RHOQ: variants seen among roughly 807,000 people sequenced by gnomAD.
The protein encoded by RHOQ is rho-related GTP-binding protein RhoQ.
RHOQ carries 7 observed loss-of-function variants against 25.8 expected under a neutral mutation model. The ratio of observed to expected loss-of-function variants is 0.27; its 90% CI spans 0.15 to 0.51. RHOQ has a LOEUF of 0.51. RHOQ is among the 20% of genes least tolerant of loss of function. The pLI, the probability that RHOQ is intolerant of heterozygous loss-of-function variation, is 0.97. For missense variants in RHOQ, 165 were observed against 260.6 expected, an observed-to-expected ratio of 0.63 and a Z score of 2.53; for synonymous variants, 97 against 98.6, an observed-to-expected ratio of 0.98 and a Z score of 0.10.
chr2:46,544,533 C>T (rs995622329), intron 2 of RHOQ, among the ~76,000 whole-genome samples: 1 of 152,210 alleles, frequency 6.6e-6, no homozygotes, highest in African/African-American at 2.4e-5. Context: ...ACACTTTGCC[C>T]TGCAGCCTCT....
chr2:46,543,692 A>T, intron 1 of RHOQ, 62 bp from the exon 2 acceptor site: 1 of 1,514,212 alleles, frequency 6.6e-7, no homozygotes, highest in Non-Finnish European at 9.1e-7. Context: ...TGGGGAGCGA[A>T]ATTGCCCCAG....
At chr2:46,575,518 G>GT (rs1198670082) in intron 2 of RHOQ, among the ~76,000 whole-genome samples, 3 of 151,994 alleles carry the variant, frequency 2.0e-5, no homozygotes, top group East Asian at 3.9e-4. Context: ...TAAGAGTATA[G>GT]ACTCTGGAGT....
chr2:46,556,646 A>C lies in RHOQ; in HGVS notation c.201+12834A>C, dbSNP rs60153691. On this transcript the variant is annotated intron_variant, in intron 2 of 4. Transcript: ENST00000238738. This position sits in a 1 kb window ranked among gnomAD's most constrained non-coding sequence, Gnocchi z 4.9. ...CATTAAACATAAGAGTGAGGTGAGG[A>C]ACACAAAATTCCATCCGATCGGGTT... Among the ~76,000 whole-genome samples the C allele has an allele frequency of 0.024, 3,714 of 152,212 alleles. 157 individuals carry two copies. The highest frequency in any genetic ancestry group is 0.086 in the African/African-American group (3,568 of 41,482).
intron 2 of RHOQ, among the ~76,000 whole-genome samples, chr2:46,550,050 G>A (rs1668193042): frequency 6.6e-6 from 1 of 151,876 alleles, no homozygotes; most frequent in South Asian, 2.1e-4. Flanking sequence ...AACACAACAA[G>A]ACCCCCAATT....
At chr2:46,570,177 A>G (rs1668866334) in intron 2 of RHOQ, among the ~76,000 whole-genome samples, 1 of 152,242 alleles carries the variant, frequency 6.6e-6, no homozygotes, top group South Asian at 2.1e-4. Flanking sequence ...GTGGTGGCTC[A>G]TGCCTGTAAT....
intron 2 of RHOQ, among the ~76,000 whole-genome samples, chr2:46,567,349 C>T (rs1668766079): frequency 6.6e-6 from 1 of 151,672 alleles, no homozygotes; most frequent in African/African-American, 2.4e-5. Context: ...ATGTGGTTTT[C>T]TGTGATGGTA....
intron 2 of RHOQ, chr2:46,572,719 G>T (rs1409913899): frequency 2.2e-6 from 1 of 446,434 alleles, no homozygotes; most frequent in East Asian, 7.0e-5. Context: ...TAATGGGTTT[G>T]TTAATTAGGA....
chr2:46,543,755 C>T lies in RHOQ; in HGVS notation c.144C>T (p.Val48=), dbSNP rs1247386437. 10 of 1,613,546 alleles carry T rather than the reference C, an allele frequency of 6.2e-6. No homozygotes were observed. The highest frequency in any genetic ancestry group is 1.3e-5 in the African/African-American group (1 of 75,038). Residue 48 remains valine (V), a splice_region_variant and synonymous_variant, in exon 2 of 5, where the codon GTC becomes GTT. Transcript: ENST00000238738. The part of the protein sequence containing the change: ...YVPTVFDHYA[V]SVTVGGKQYL... ...CCGCCCCCACTTCTGTCCTTGCAGT[C>T]AGCGTCACCGTGGGGGGCAAGCAGT...
In RHOQ at chr2:46,583,456, T is replaced by A. The variant is rs1159109215; in HGVS notation, c.*2373T>A. Among the ~76,000 whole-genome samples the A allele has an allele frequency of 3.9e-5, 6 of 152,150 alleles. No homozygotes were observed. Among genetic ancestry groups the A allele is most frequent in the Non-Finnish European group, 7.4e-5 (5 of 67,980 alleles). On this transcript the variant is annotated 3_prime_UTR_variant, in exon 5 of 5. Coordinates refer to ENST00000238738, the MANE Select transcript of RHOQ (RefSeq NM_012249.4). ...TGGTAAAAATCATGTATATAGATTA[T>A]CAGAACTCTAAGCAAAGATGACTGT...
intron 2 of RHOQ, among the ~76,000 whole-genome samples, chr2:46,551,833 G>C (rs1206804043): frequency 2.0e-5 from 3 of 152,172 alleles, no homozygotes; most frequent in Non-Finnish European, 4.4e-5. Flanking sequence ...CATAAAGCAT[G>C]TCGCACCTGG....
intron 2 of RHOQ, among the ~76,000 whole-genome samples, chr2:46,561,883 C>T (rs1668590252): frequency 6.6e-6 from 1 of 152,202 alleles, no homozygotes; most frequent in African/African-American, 2.4e-5. Flanking sequence ...AGATTACATA[C>T]ATGGCCAGTG....
In RHOQ at chr2:46,548,656, G is replaced by A. The variant is rs1158856083; in HGVS notation, c.201+4844G>A. 3.3e-5 allele frequency among the ~76,000 whole-genome samples: 5 copies of A among 152,138 alleles called. No individual in the cohort carries two copies. Among genetic ancestry groups the A allele is most frequent in the African/African-American group, 7.2e-5 (3 of 41,440 alleles). The stretch of plus-strand genomic sequence containing the variant: ...CCCGTGTTCCATCCTTGCTCAGCCC[G>A]GTGAGCAGAGCCTGGGAGGAGCCCC... On this transcript the variant is annotated intron_variant, in intron 2 of 4. Coordinates refer to ENST00000238738, the MANE Select transcript of RHOQ (RefSeq NM_012249.4). This position sits in a 1 kb window ranked among gnomAD's most constrained non-coding sequence, Gnocchi z 5.2.
In RHOQ at chr2:46,552,455, CT is replaced by C. The variant is rs1668273074; in HGVS notation, c.201+8644del. The stretch of plus-strand genomic sequence containing the variant: ...GTCGTTTGTGTCCCATGGGGGCTAC[CT>C]CAGGCCTTTCCTTTCTCCCTTCAAG... On this transcript the variant is annotated intron_variant, in intron 2 of 4. Coordinates refer to ENST00000238738, the MANE Select transcript of RHOQ (RefSeq NM_012249.4). This position sits in a 1 kb window ranked among gnomAD's most constrained non-coding sequence, Gnocchi z 5.0. Among the ~76,000 whole-genome samples, 1 of 152,232 alleles carries C rather than the reference CT, an allele frequency of 6.6e-6. No individual in the cohort carries two copies. Among genetic ancestry groups the C allele is most frequent in the Non-Finnish European group, 1.5e-5 (1 of 68,050 alleles).
intron 2 of RHOQ, among the ~76,000 whole-genome samples, chr2:46,572,110 T>TTTG (rs1166993270): frequency 7.1e-5 from 9 of 127,268 alleles, no homozygotes; most frequent in African/African-American, 2.6e-4. Context: ...AGTGTGTGTT[T>TTTG]TTTTTTTTTT....
At chr2:46,572,113 T>G (rs1177643618) in intron 2 of RHOQ, among the ~76,000 whole-genome samples, 1 of 130,744 alleles carries the variant, frequency 7.6e-6, no homozygotes, top group Non-Finnish European at 1.6e-5. Context: ...GTGTGTTTTT[T>G]TTTTTTTTTT....
rs966624613 is a variant in RHOQ, at chr2:46,548,253, A to G, written c.201+4441A>G. On this transcript the variant is annotated intron_variant, in intron 2 of 4. Coordinates refer to ENST00000238738, the MANE Select transcript of RHOQ (RefSeq NM_012249.4). This position sits in a 1 kb window ranked among gnomAD's most constrained non-coding sequence, Gnocchi z 5.2. ...TGTTTTACACTTGATATAACCCAGC[A>G]GCTGTGGCTGCCCTGCATGCCCTCT... Among the ~76,000 whole-genome samples, 1 of 152,240 alleles carries G rather than the reference A, an allele frequency of 6.6e-6. No individual in the cohort carries two copies. Among genetic ancestry groups the G allele is most frequent in the Non-Finnish European group, 1.5e-5 (1 of 68,036 alleles).
intron 4 of RHOQ, among the ~76,000 whole-genome samples, chr2:46,578,778 A>G (rs1297512353): frequency 6.6e-6 from 1 of 151,686 alleles, no homozygotes; most frequent in African/African-American, 2.4e-5. Flanking sequence ...TAAATAAATA[A>G]TGGTGGACTG....
chr2:46,579,161 A>T (rs1348764505), intron 4 of RHOQ, among the ~76,000 whole-genome samples: 1 of 152,222 alleles, frequency 6.6e-6, no homozygotes, highest in African/African-American at 2.4e-5. Flanking sequence ...TTCTAGACTC[A>T]TCAGCATTTG....
At position 46,578,569 on chromosome 2, in the gene RHOQ, C is replaced by CAAAAAA. The variant is rs755333304; in HGVS notation, c.462+1945_462+1950dup. ...CAACATGGTGAAACCCCATCTCTAC[C>CAAAAAA]AAAAAAAAAAAAAAAAAAAAAAAAA... On this transcript the variant is annotated intron_variant, in intron 4 of 4. Transcript: ENST00000238738. Among the ~76,000 whole-genome samples, 24 of 24,068 alleles carry CAAAAAA rather than the reference C, an allele frequency of 1.0e-3. 4 individuals are homozygous for CAAAAAA. The highest frequency in any genetic ancestry group is 2.2e-3 in the Admixed American group (3 of 1,336). The allele number at this position is 24,068 out of a possible 152,430, so 15.8% of individuals were successfully genotyped here.
Sources: allele counts gnomAD v4.1 joint callset (sites outside exome capture counted in the v4.1 genomes callset), GRCh38; gene constraint gnomAD v4.1.1; non-coding constraint Gnocchi (gnomAD v3.1); transcripts MANE v1.5; gene names NCBI Gene and HGNC (gene_info 2026-07-23, HGNC 2026-07-21).